The following PPP6R2 variants were observed in gnomAD, a reference collection of about 807,000 sequenced individuals.
The protein encoded by PPP6R2 is protein phosphatase 6 regulatory subunit 2.
In PPP6R2, 62 loss-of-function variants were observed where a neutral mutation model predicts 100.2. The ratio of observed to expected loss-of-function variants is 0.62; its 90% CI spans 0.50 to 0.76. The LOEUF (loss-of-function observed/expected upper bound fraction) is 0.76, where lower values mean the gene tolerates loss of function less well. Among genes scored for constraint, PPP6R2 ranks in the 30% least tolerant of loss-of-function variants. The pLI is 0.00. For synonymous variants in PPP6R2, 525 were observed against 514.7 expected, an observed-to-expected ratio of 1.02 and a Z score of -0.27; for missense variants, 1,142 against 1,276.3, an observed-to-expected ratio of 0.89 and a Z score of 1.60.
At chr22:50,414,883 G>T (rs1174503818) in intron 5 of PPP6R2, among the ~76,000 whole-genome samples, 194 bp downstream of exon 5, 1 of 152,214 alleles carries the variant, frequency 6.6e-6, no homozygotes, top group African/African-American at 2.4e-5. Context: ...GACTTAACTC[G>T]CTCAGAAGCA....
chr22:50,400,979 C>T (rs187304647), intron 3 of PPP6R2, among the ~76,000 whole-genome samples: 1 of 152,182 alleles, frequency 6.6e-6, no homozygotes, highest in African/African-American at 2.4e-5. Context: ...ATGTTTTGTA[C>T]TTTGCCTTTT....
intron 9 of PPP6R2, 74 bp downstream of exon 9, chr22:50,422,454 C>A: frequency 6.4e-7 from 1 of 1,562,900 alleles, no homozygotes; most frequent in Non-Finnish European, 8.7e-7. Flanking sequence ...GAGGAGAAGC[C>A]ACAGCTTGTC....
intron 1 of PPP6R2, among the ~76,000 whole-genome samples, chr22:50,346,397 G>A (rs1383156991): frequency 6.3e-5 from 2 of 31,666 alleles, no homozygotes; most frequent in African/African-American, 3.0e-4. Flanking sequence ...CCCCAAATCA[G>A]TGCCCCCAGT....
At chr22:50,339,124 T>A (rs915322219), upstream of PPP6R2, among the ~76,000 whole-genome samples, 1 of 137,396 alleles carries the variant, frequency 7.3e-6, no homozygotes, top group African/African-American at 2.8e-5. Context: ...TAGTGTGTGT[T>A]ATGTAGTGTG....
In PPP6R2 at chr22:50,440,913, C is replaced by G; in HGVS notation, c.2466C>G (p.His822Gln). Residue 822 changes from histidine (H) to glutamine (Q), a missense_variant, in exon 22 of 24, where the codon CAC becomes CAG. His to Gln is a conservative substitution (Grantham distance 24). This residue lies in a region of PPP6R2 where 550 missense variants were observed against 517.4 expected (regional missense o/e 1.06). Transcript: ENST00000612753. ...ASDSSSSGGS[H>Q]SEDGDQKAAS... ...ACAGTAGCTCCTCTGGGGGCTCCCA[C>G]AGCGAGGATGGCGACCAGAAGGCAG... 3 of 1,613,776 alleles carry G rather than the reference C, an allele frequency of 1.9e-6. No homozygotes were observed. The highest frequency in any genetic ancestry group is 2.5e-6 in the Non-Finnish European group (3 of 1,180,010).
chr22:50,333,601 G>A, the PPP6R2 span, among the ~76,000 whole-genome samples: 1 of 152,098 alleles, frequency 6.6e-6, no homozygotes, highest in East Asian at 1.9e-4. Context: ...CAAAGTGCTG[G>A]GATTACAGTC....
chr22:50,351,142 G>A (rs1398459403), intron 1 of PPP6R2, among the ~76,000 whole-genome samples: 8 of 137,928 alleles, frequency 5.8e-5, no homozygotes, highest in African/African-American at 1.9e-4. Flanking sequence ...CCAGGTTCAA[G>A]TGATTCTCCT....
At chr22:50,422,499 A>G in intron 9 of PPP6R2, 119 bp downstream of exon 9, 1 of 1,373,298 alleles carries the variant, frequency 7.3e-7, no homozygotes, top group Non-Finnish European at 9.8e-7. Flanking sequence ...AATGTGTTCT[A>G]AGACGGCCAT....
chr22:50,356,447 T>TA (rs1229444445), intron 1 of PPP6R2, among the ~76,000 whole-genome samples: 4 of 151,836 alleles, frequency 2.6e-5, no homozygotes, highest in Non-Finnish European at 5.9e-5. Context: ...GGACTGCAGG[T>TA]ACACACCACC....
At chr22:50,337,522 GT>G in the PPP6R2 span, among the ~76,000 whole-genome samples, 1 of 141,954 alleles carries the variant, frequency 7.0e-6, no homozygotes. Flanking sequence ...GGGTGTGTGC[GT>G]GTGTGTATAG....
rs772596267 is a variant in PPP6R2, at chr22:50,418,983, AGTGCTGGTGGGCCGTG to A, written c.731+18_731+33del. ...CGCTCCTCACAGCGCTGGAGTCGTG[AGTGCTGGTGGGCCGTG>A]GTGCTGGTGGGCCTCCCTTTCTGGG... is the stretch of plus-strand genomic sequence containing the variant. On this transcript the variant is annotated splice_donor_5th_base_variant and intron_variant, in intron 7 of 23. Coordinates refer to ENST00000612753, the MANE Select transcript of PPP6R2 (RefSeq NM_001242898.2). 4 of 1,609,502 alleles carry A rather than the reference AGTGCTGGTGGGCCGTG, an allele frequency of 2.5e-6. No homozygotes were observed. The South Asian group carries it at 3.3e-5, about 13-fold the overall frequency.
At chr22:50,439,225 G>A (rs1171215643) in intron 19 of PPP6R2, among the ~76,000 whole-genome samples, 3 of 152,208 alleles carry the variant, frequency 2.0e-5, no homozygotes, top group African/African-American at 2.4e-5. Flanking sequence ...CTTTGGTGGC[G>A]GGGGCAGAGA....
chr22:50,436,422 G>A lies in PPP6R2; in HGVS notation c.1572G>A (p.Thr524=), dbSNP rs78837601. 3.8e-3 allele frequency: 6,014 copies of A among 1,593,130 alleles called. 191 individuals carry two copies. In the African/African-American group the frequency reaches 0.066, roughly 18 times the overall value. Residue 524 remains threonine, a synonymous_variant, in exon 14 of 24, where the codon ACG becomes ACA. Transcript: ENST00000612753. ...AGAGCTTCGTGGAGGAGACGCTGAC[G>A]GAGACGAACCGCAGGAACACTGTGG... is the stretch of plus-strand genomic sequence containing the variant. ...RWESFVEETL[T]ETNRRNTVDL... is the part of the protein sequence containing the mutation.
intron 1 of PPP6R2, among the ~76,000 whole-genome samples, chr22:50,348,876 G>T (rs891668171): frequency 6.6e-6 from 1 of 151,766 alleles, no homozygotes; most frequent in Non-Finnish European, 1.5e-5. Context: ...CTGGGGACAT[G>T]ACAAAACCCT....
intron 2 of PPP6R2, among the ~76,000 whole-genome samples, chr22:50,373,188 C>T (rs1217431608): frequency 2.0e-5 from 3 of 151,940 alleles, no homozygotes; most frequent in Non-Finnish European, 4.4e-5. Flanking sequence ...CGAGGCTCTT[C>T]CATTGCAGTT....
At chr22:50,428,513 C>A (rs917109765) in intron 10 of PPP6R2, among the ~76,000 whole-genome samples, 1 of 152,040 alleles carries the variant, frequency 6.6e-6, no homozygotes, top group Admixed American at 6.6e-5. Flanking sequence ...GAGTTTAAGA[C>A]CAGCCTGGGC....
chr22:50,390,429 G>A (rs1329696784), intron 2 of PPP6R2, among the ~76,000 whole-genome samples: 1 of 152,190 alleles, frequency 6.6e-6, no homozygotes, highest in Non-Finnish European at 1.5e-5. Context: ...AGACAAAGCC[G>A]ACTTCAAAAC....
intron 19 of PPP6R2, among the ~76,000 whole-genome samples, 194 bp downstream of exon 19, chr22:50,438,956 C>T (rs2065000501): frequency 6.6e-6 from 1 of 152,222 alleles, no homozygotes; most frequent in Non-Finnish European, 1.5e-5. Flanking sequence ...GCAAGGTGGC[C>T]TCCTGCCCCT....
At chr22:50,369,638 T>C (rs2049554695) in intron 1 of PPP6R2, among the ~76,000 whole-genome samples, 2 of 152,150 alleles carry the variant, frequency 1.3e-5, no homozygotes, top group Admixed American at 1.3e-4. Flanking sequence ...CTCAGCCTCC[T>C]GAGTATCTGG....
Sources: gnomAD v4.1 joint callset for allele counts (sites outside exome capture counted in the v4.1 genomes callset) on GRCh38, gnomAD v4.1.1 for gene constraint, gnomAD v4.1.1 regional missense constraint, MANE v1.5 for transcripts, NCBI Gene and HGNC (gene_info 2026-07-23, HGNC 2026-07-21) for gene names.